DGKB: variants seen among roughly 807,000 people sequenced by gnomAD.
DGKB encodes 90 kDa diacylglycerol kinase.
In DGKB, 67 loss-of-function variants were observed where a neutral mutation model predicts 114.3. The ratio of observed to expected loss-of-function variants is 0.59; its 90% CI spans 0.48 to 0.72. DGKB has a LOEUF of 0.72. DGKB is among the 30% of genes least tolerant of loss of function. The pLI is 0.00. For synonymous variants in DGKB, 398 were observed against 323.1 expected, an observed-to-expected ratio of 1.23 and a Z score of -2.49; for missense variants, 907 against 975.2, an observed-to-expected ratio of 0.93 and a Z score of 0.93.
At position 14,402,504 on chromosome 7, in the gene DGKB, C is replaced by T. The variant is rs116538486; in HGVS notation, c.1836-57113G>A. On this transcript the variant is annotated intron_variant, in intron 21 of 25. Transcript: ENST00000402815. Reference sequence around the variant, plus strand: ...CATATTTTAAAAATGACTCAGTTTCCTCACTTATGTCATTAGAGTCAAATT... The same window carrying T: ...CATATTTTAAAAATGACTCAGTTTCTTCACTTATGTCATTAGAGTCAAATT... Among the ~76,000 whole-genome samples, 273 of 151,858 alleles carry T rather than the reference C, an allele frequency of 1.8e-3. 1 individual carries two copies. Among genetic ancestry groups the T allele is most frequent in the African/African-American group, 6.2e-3 (256 of 41,472 alleles).
At chr7:14,712,133 T>C (rs1405987563) in intron 6 of DGKB, among the ~76,000 whole-genome samples, 1 of 151,806 alleles carries the variant, frequency 6.6e-6, no homozygotes, top group Admixed American at 6.6e-5. Flanking sequence ...TGAAGTTAAA[T>C]GTAAGGAAAA....
At chr7:14,779,514 C>T (rs574079382) in intron 2 of DGKB, among the ~76,000 whole-genome samples, 1 of 150,862 alleles carries the variant, frequency 6.6e-6, no homozygotes, top group Admixed American at 6.6e-5. Context: ...CTAGCCTGGG[C>T]AACAGAAAAA....
intron 14 of DGKB, among the ~76,000 whole-genome samples, chr7:14,627,794 T>C (rs1005091681): frequency 1.3e-5 from 2 of 151,692 alleles, no homozygotes; most frequent in African/African-American, 4.8e-5. Flanking sequence ...ATACAAAAAA[T>C]TAGCCGGGCG....
At chr7:14,935,584 A>G (rs1210175637) in intron 1 of DGKB, among the ~76,000 whole-genome samples, 1 of 152,184 alleles carries the variant, frequency 6.6e-6, no homozygotes, top group Non-Finnish European at 1.5e-5. Context: ...TGAATGTAAA[A>G]TAGTTACTAT....
rs1415520360 is a variant in DGKB, at chr7:14,840,270, C to T, written c.70+924G>A. ...TTCTTGCATTTTATTCTCCCTGTCA[C>T]CATGTTATTCTTTCCATTCTTATCA... On this transcript the variant is annotated intron_variant, in intron 2 of 25. Transcript: ENST00000402815. 3.9e-5 allele frequency among the ~76,000 whole-genome samples: 6 copies of T among 152,050 alleles called. No homozygotes were observed. In the South Asian group the frequency reaches 1.2e-3, roughly 32 times the overall value.
chr7:14,851,348 T>C (rs937543566), intron 1 of DGKB, among the ~76,000 whole-genome samples: 2 of 152,194 alleles, frequency 1.3e-5, no homozygotes, highest in African/African-American at 2.4e-5. Context: ...TATTATCTTA[T>C]TCTTGTTAAG....
At chr7:14,375,581 C>G (rs1563051605) in intron 21 of DGKB, among the ~76,000 whole-genome samples, 1 of 152,170 alleles carries the variant, frequency 6.6e-6, no homozygotes, top group Non-Finnish European at 1.5e-5. Flanking sequence ...AGTTTCTTCC[C>G]CCTATTAACC....
At chr7:14,364,148 G>A (rs1183179712) in intron 21 of DGKB, among the ~76,000 whole-genome samples, 2 of 151,910 alleles carry the variant, frequency 1.3e-5, no homozygotes, top group Non-Finnish European at 2.9e-5. Flanking sequence ...AATGTGCCAA[G>A]TGAAAAAATA....
At chr7:14,904,703 T>G (rs1348944406), upstream of DGKB, among the ~76,000 whole-genome samples, 1 of 152,164 alleles carries the variant, frequency 6.6e-6, no homozygotes, top group Non-Finnish European at 1.5e-5. Flanking sequence ...GCATCCAGAA[T>G]TTTTTAACGT....
At chr7:14,836,612 A>C (rs13233355) in intron 2 of DGKB, among the ~76,000 whole-genome samples, 1 of 152,214 alleles carries the variant, frequency 6.6e-6, no homozygotes. Context: ...GGCAGGAGTG[A>C]GAGCTTTCTA....
intron 1 of DGKB, among the ~76,000 whole-genome samples, chr7:14,933,236 T>C (rs1033654946): frequency 2.0e-5 from 3 of 152,230 alleles, no homozygotes; most frequent in Non-Finnish European, 2.9e-5. Flanking sequence ...TATTCGATTA[T>C]TTTCTATCAA....
chr7:14,402,300 T>G (rs1281411859), intron 21 of DGKB, among the ~76,000 whole-genome samples: 1 of 151,846 alleles, frequency 6.6e-6, no homozygotes, highest in Non-Finnish European at 1.5e-5. Flanking sequence ...CAATTTCAAA[T>G]TCACAGAATA....
intron 21 of DGKB, among the ~76,000 whole-genome samples, chr7:14,381,699 C>T (rs765784464): frequency 6.6e-6 from 1 of 152,134 alleles, no homozygotes; most frequent in Admixed American, 6.5e-5. Context: ...GCCTTGCACT[C>T]GTGGGCTCAA....
intron 13 of DGKB, among the ~76,000 whole-genome samples, chr7:14,639,527 C>A (rs955494010): frequency 2.0e-4 from 31 of 152,312 alleles, no homozygotes; most frequent in African/African-American, 6.0e-4. Context: ...AAGAATTAAC[C>A]TTTATCCACA....
intron 2 of DGKB, among the ~76,000 whole-genome samples, chr7:14,797,237 T>C (rs538953033): frequency 4.0e-4 from 61 of 152,286 alleles, no homozygotes; most frequent in African/African-American, 1.4e-3. Flanking sequence ...TTTCCCATAT[T>C]TGAGCCAGTT....
intron 2 of DGKB, among the ~76,000 whole-genome samples, chr7:14,820,197 T>C (rs1211403620): frequency 6.6e-6 from 1 of 152,160 alleles, no homozygotes; most frequent in African/African-American, 2.4e-5. Flanking sequence ...ATAAATAATA[T>C]AGATCCTAGA....
chr7:14,844,223 T>C (rs1387411246), intron 1 of DGKB, among the ~76,000 whole-genome samples: 1 of 152,218 alleles, frequency 6.6e-6, no homozygotes, highest in Non-Finnish European at 1.5e-5. Context: ...AACCTTTTAT[T>C]CTTTTCCTCC....
At chr7:14,799,230 T>C (rs1044632647) in intron 2 of DGKB, among the ~76,000 whole-genome samples, 22 of 152,170 alleles carry the variant, frequency 1.4e-4, no homozygotes, top group Non-Finnish European at 1.5e-5. Context: ...TCCATCCCTG[T>C]CCATAAAGCC....
At chr7:14,673,667 A>G (rs547322346) in intron 12 of DGKB, among the ~76,000 whole-genome samples, 1 of 152,186 alleles carries the variant, frequency 6.6e-6, no homozygotes, top group Non-Finnish European at 1.5e-5. Context: ...AATATGTATG[A>G]GCCCAAACTA....
Sources: gnomAD v4.1 joint callset for allele counts (sites outside exome capture counted in the v4.1 genomes callset) on GRCh38, gnomAD v4.1.1 for gene constraint, MANE v1.5 for transcripts, NCBI Gene and HGNC (gene_info 2026-07-23, HGNC 2026-07-21) for gene names.